PLCL2: variants seen among roughly 807,000 people sequenced by gnomAD.
The protein encoded by PLCL2 is phospholipase C like 2.
Under a neutral mutation model 79.6 loss-of-function variants are expected in PLCL2, and 4 were observed. That is an observed-to-expected ratio of 0.05 (90% confidence interval 0.02 to 0.11). PLCL2 has a LOEUF of 0.11. PLCL2 is among the 10% of genes least tolerant of loss of function. PLCL2 has a pLI of 1.00. For synonymous variants in PLCL2, 484 were observed against 457.7 expected (o/e 1.06, Z -0.73); for missense variants, 895 against 1,291.0 (o/e 0.69, Z 4.70).
At chr3:17,065,271 G>T (rs565496687) in intron 4 of PLCL2, among the ~76,000 whole-genome samples, 2 of 152,002 alleles carry the variant, frequency 1.3e-5, no homozygotes, top group Non-Finnish European at 2.9e-5. Flanking sequence ...AGCTACACTT[G>T]TTTCTTTAAA....
Position 17,014,891 on chromosome 3 carries a change from A to T in PLCL2, c.2998A>T (p.Ile1000Phe). ...AATTGTGCCGGAGGTTCTGAAGAAG[A>T]TCGTAACAACTTATGACATGGTGAG... is the stretch of plus-strand genomic sequence containing the variant. ...QGIVPEVLKK[I>F]VTTYDMMIQS... is the part of the protein sequence containing the mutation. Residue 1000 changes from isoleucine to phenylalanine, a missense_variant, in exon 3 of 6, where the codon ATC becomes TTC. Ile to Phe is a conservative substitution (Grantham distance 21). Coordinates refer to ENST00000615277, the MANE Select transcript of PLCL2 (RefSeq NM_001144382.2). 1 of 1,613,978 alleles carries T rather than the reference A, an allele frequency of 6.2e-7. No individual in the cohort carries two copies. Among genetic ancestry groups the T allele is most frequent in the Admixed American group, 1.7e-5 (1 of 60,016 alleles).
intron 1 of PLCL2, among the ~76,000 whole-genome samples, chr3:16,942,977 ATTGT>A (rs2063565108): frequency 1.3e-5 from 2 of 152,286 alleles, no homozygotes; most frequent in South Asian, 4.1e-4. Context: ...GAGCTCAATA[ATTGT>A]TTGTTGTCCA....
intron 3 of PLCL2, among the ~76,000 whole-genome samples, chr3:17,031,929 C>CT (rs35640259): frequency 0.03 from 3,314 of 108,974 alleles, 121 homozygotes; most frequent in African/African-American, 0.081. Flanking sequence ...CAATTTTCAC[C>CT]TTTTTTTTTT....
intron 5 of PLCL2, among the ~76,000 whole-genome samples, chr3:17,088,175 A>G (rs2065240022): frequency 6.6e-6 from 1 of 152,166 alleles, no homozygotes; most frequent in Non-Finnish European, 1.5e-5. Context: ...ACGGTTTAAA[A>G]TTGCCTTGCA....
chr3:17,046,448 T>C (rs1464659466), intron 4 of PLCL2, among the ~76,000 whole-genome samples: 2 of 152,154 alleles, frequency 1.3e-5, no homozygotes, highest in Non-Finnish European at 2.9e-5. Flanking sequence ...TAATAAAGGA[T>C]AGGAAGACGA....
chr3:17,016,222 T>C (rs906468781), intron 3 of PLCL2, among the ~76,000 whole-genome samples: 1 of 152,230 alleles, frequency 6.6e-6, no homozygotes, highest in South Asian at 2.1e-4. Context: ...AAAATCCTTC[T>C]TCAGTCTTTG....
At chr3:16,953,560 T>C (rs937409711) in intron 1 of PLCL2, among the ~76,000 whole-genome samples, 8 of 152,174 alleles carry the variant, frequency 5.3e-5, no homozygotes, top group African/African-American at 1.9e-4. Flanking sequence ...TTAATGTTAC[T>C]ATTTTTGTGA....
intron 5 of PLCL2, among the ~76,000 whole-genome samples, chr3:17,071,337 G>T (rs2124945745): frequency 6.6e-6 from 1 of 152,000 alleles, no homozygotes; most frequent in South Asian, 2.1e-4. Flanking sequence ...TATTTTGAAG[G>T]TTCTTTTAAA....
At chr3:16,955,955 A>G (rs1185838701) in intron 1 of PLCL2, among the ~76,000 whole-genome samples, 1 of 152,218 alleles carries the variant, frequency 6.6e-6, no homozygotes, top group Non-Finnish European at 1.5e-5. Context: ...TTCGAGATAT[A>G]CAATCATGTC....
chr3:16,949,069 T>A (rs1435986929), intron 1 of PLCL2, among the ~76,000 whole-genome samples: 2 of 152,238 alleles, frequency 1.3e-5, no homozygotes, highest in African/African-American at 2.4e-5. Flanking sequence ...CATAATTTTT[T>A]AACCATTCCC....
chr3:17,014,085 A>C (rs1413849786), intron 2 of PLCL2, among the ~76,000 whole-genome samples: 1 of 152,222 alleles, frequency 6.6e-6, no homozygotes, highest in Non-Finnish European at 1.5e-5. Context: ...TTTAAATGGC[A>C]TATCTCTGGT....
At chr3:17,060,859 A>G (rs2064945381) in intron 4 of PLCL2, among the ~76,000 whole-genome samples, 1 of 152,118 alleles carries the variant, frequency 6.6e-6, no homozygotes, top group Non-Finnish European at 1.5e-5. Context: ...AAAAATATAA[A>G]TATATATTTT....
intron 3 of PLCL2, among the ~76,000 whole-genome samples, chr3:17,040,741 G>C (rs2064711184): frequency 6.6e-6 from 1 of 152,164 alleles, no homozygotes; most frequent in Non-Finnish European, 1.5e-5. Flanking sequence ...AAGCTAATGA[G>C]TAATAGAACC....
At chr3:17,082,916 T>C (rs2065178823) in intron 5 of PLCL2, among the ~76,000 whole-genome samples, 2 of 152,166 alleles carry the variant, frequency 1.3e-5, no homozygotes, top group African/African-American at 4.8e-5. Context: ...ACTCATTGTT[T>C]AGGGGGCAGC....
chr3:16,989,190 C>T (rs2064080481), intron 1 of PLCL2, among the ~76,000 whole-genome samples: 1 of 152,144 alleles, frequency 6.6e-6, no homozygotes, highest in African/African-American at 2.4e-5. Context: ...ATATTGGCCT[C>T]ATTTACATAT....
intron 1 of PLCL2, among the ~76,000 whole-genome samples, chr3:16,905,146 C>T (rs1376312430): frequency 6.6e-6 from 1 of 152,174 alleles, no homozygotes. Context: ...TGAATCCTCT[C>T]CTTCATGACA....
chr3:17,020,151 C>G (rs2064432415), intron 3 of PLCL2, among the ~76,000 whole-genome samples: 2 of 152,148 alleles, frequency 1.3e-5, no homozygotes, highest in Admixed American at 1.3e-4. Flanking sequence ...CTGTTTTAAA[C>G]TTGAATGTTT....
At chr3:16,895,381 T>C (rs1696455392) in intron 1 of PLCL2, among the ~76,000 whole-genome samples, 1 of 152,212 alleles carries the variant, frequency 6.6e-6, no homozygotes. Flanking sequence ...GATCTGGATT[T>C]CATTTTGTGT....
intron 1 of PLCL2, among the ~76,000 whole-genome samples, chr3:16,918,421 A>G (rs1697047271): frequency 6.6e-6 from 1 of 152,156 alleles, no homozygotes; most frequent in Non-Finnish European, 1.5e-5. Flanking sequence ...TCTCCTATTT[A>G]TGATAGATTT....
Sources: allele counts gnomAD v4.1 joint callset (sites outside exome capture counted in the v4.1 genomes callset), GRCh38; gene constraint gnomAD v4.1.1; transcripts MANE v1.5; gene names NCBI Gene and HGNC (gene_info 2026-07-23, HGNC 2026-07-21).